The following SLC35F3 variants were observed in gnomAD, a reference collection of about 807,000 sequenced individuals.
SLC35F3 encodes the protein putative thiamine transporter SLC35F3.
Under a neutral mutation model 49.9 loss-of-function variants are expected in SLC35F3, and 25 were observed. The observed-to-expected ratio is 0.50, with a 90% CI of 0.37 to 0.70. SLC35F3 has a LOEUF of 0.70. SLC35F3 is among the 30% of genes least tolerant of loss of function. The pLI, the probability that SLC35F3 is intolerant of heterozygous loss-of-function variation, is 0.00. For missense variants in SLC35F3, 525 were observed against 639.8 expected, an observed-to-expected ratio of 0.82 and a Z score of 1.94; for synonymous variants, 275 against 265.4, an observed-to-expected ratio of 1.04 and a Z score of -0.35.
chr1:233,911,644 C>T (rs1186141954), intron 2 of SLC35F3, among the ~76,000 whole-genome samples: 2 of 152,226 alleles, frequency 1.3e-5, no homozygotes, highest in African/African-American at 4.8e-5. Context: ...TTAGAAATCC[C>T]TCGTGCCTAT....
intron 2 of SLC35F3, among the ~76,000 whole-genome samples, chr1:234,030,106 T>C (rs187546070): frequency 1.3e-5 from 2 of 152,332 alleles, no homozygotes. Flanking sequence ...TCTTCTGAAA[T>C]ATGATTCACT....
rs562597603 is a variant in SLC35F3, at chr1:234,144,946, T to G, written c.284-86471T>G. On this transcript the variant is annotated intron_variant, in intron 2 of 7. Coordinates refer to ENST00000366618, the MANE Select transcript of SLC35F3 (RefSeq NM_173508.4). ...TGTGCCAGCTGTAGGAAATAGCATG[T>G]GTAGTGCTGTGTCATTCTCTTGATA... Among the ~76,000 whole-genome samples, 4 of 152,302 alleles carry G rather than the reference T, an allele frequency of 2.6e-5. No individual in the cohort carries two copies. The East Asian group carries it at 5.8e-4, about 22-fold the overall frequency.
At chr1:233,963,467 A>AT (rs1035121201) in intron 2 of SLC35F3, among the ~76,000 whole-genome samples, 12 of 151,546 alleles carry the variant, frequency 7.9e-5, no homozygotes, top group African/African-American at 2.2e-4. Context: ...CGCCCAGCTA[A>AT]TTTTTTTGTA....
At chr1:234,306,723 C>A (rs994902384) in intron 3 of SLC35F3, among the ~76,000 whole-genome samples, 2 of 152,132 alleles carry the variant, frequency 1.3e-5, no homozygotes, top group Non-Finnish European at 2.9e-5. Flanking sequence ...TTTCCAGCAA[C>A]TTGGGCCATC....
At chr1:234,254,228 G>A (rs533396751) in intron 3 of SLC35F3, among the ~76,000 whole-genome samples, 1 of 152,072 alleles carries the variant, frequency 6.6e-6, no homozygotes, top group Non-Finnish European at 1.5e-5. Flanking sequence ...CTATGCACTG[G>A]CTTTCTATAT....
At chr1:234,240,603 T>TG (rs1667538513) in intron 3 of SLC35F3, among the ~76,000 whole-genome samples, 2 of 149,616 alleles carry the variant, frequency 1.3e-5, no homozygotes, top group South Asian at 4.2e-4. Context: ...AGACCCTCTC[T>TG]GAAAAAAAAA....
At chr1:234,004,357 C>T (rs1336182641) in intron 2 of SLC35F3, among the ~76,000 whole-genome samples, 2 of 152,048 alleles carry the variant, frequency 1.3e-5, no homozygotes, top group African/African-American at 4.8e-5. Context: ...AAATATTTCT[C>T]AGTTAAAAGG....
At chr1:234,181,338 G>GAAAAATAAAAAAAAAAAAA (rs1666553101) in intron 2 of SLC35F3, among the ~76,000 whole-genome samples, 1 of 97,310 alleles carries the variant, frequency 1.0e-5, no homozygotes, top group Non-Finnish European at 2.1e-5. Flanking sequence ...TCTGTCTCAA[G>GAAAAATAAAAAAAAAAAAA]AAAAAAAAAA....
At chr1:234,013,272 A>G (rs758794547) in intron 2 of SLC35F3, among the ~76,000 whole-genome samples, 8 of 152,204 alleles carry the variant, frequency 5.3e-5, no homozygotes, top group Non-Finnish European at 8.8e-5. Context: ...AAATTTTTAA[A>G]ATTTTTGAGA....
rs1177682937 is a variant in SLC35F3 at position 234,250,072 on chromosome 1, C to T, written c.608+18331C>T. Among the ~76,000 whole-genome samples the T allele has an allele frequency of 2.0e-5, 3 of 152,276 alleles. No homozygotes were observed. The East Asian group carries it at 5.8e-4, about 29-fold the overall frequency. The stretch of plus-strand genomic sequence containing the variant: ...TGGGAGAAGAAGGAAATTATAGGCC[C>T]TGTAGTAGACCTTCTTTTCCACTGA... On this transcript the variant is annotated intron_variant, in intron 3 of 7. Transcript: ENST00000366618.
intron 2 of SLC35F3, among the ~76,000 whole-genome samples, chr1:234,169,805 T>G (rs1258498372): frequency 6.6e-6 from 1 of 152,076 alleles, no homozygotes. Flanking sequence ...TCTCACTCTG[T>G]CTCCCAGGCT....
chr1:234,041,406 T>G (rs12137461), intron 2 of SLC35F3, among the ~76,000 whole-genome samples: 19,972 of 152,086 alleles, frequency 0.13, 1,627 homozygotes, highest in Non-Finnish European at 0.18. Context: ...AGACCTGAAA[T>G]TGATATACAT....
intron 2 of SLC35F3, among the ~76,000 whole-genome samples, chr1:234,055,992 A>G (rs114090527): frequency 0.018 from 2,719 of 152,274 alleles, 32 homozygotes; most frequent in Middle Eastern, 0.034. Context: ...CATATTGACA[A>G]TTATATTGTC....
intron 2 of SLC35F3, among the ~76,000 whole-genome samples, chr1:234,085,818 T>G (rs1352661258): frequency 3.3e-5 from 5 of 152,192 alleles, no homozygotes; most frequent in Non-Finnish European, 7.4e-5. Context: ...AATAAGCCCA[T>G]TGTGATTCGG....
intron 2 of SLC35F3, among the ~76,000 whole-genome samples, chr1:233,943,526 A>G (rs910780688): frequency 7.9e-5 from 12 of 152,244 alleles, no homozygotes; most frequent in African/African-American, 2.9e-4. Flanking sequence ...TTCCTGGTAT[A>G]AGAAATGGAT....
At chr1:234,040,097 G>T (rs996248747) in intron 2 of SLC35F3, among the ~76,000 whole-genome samples, 1 of 152,174 alleles carries the variant, frequency 6.6e-6, no homozygotes, top group East Asian at 1.9e-4. Flanking sequence ...GAATTTTACT[G>T]AGTGATGGAA....
At chr1:234,259,756 A>G (rs978664710) in intron 3 of SLC35F3, among the ~76,000 whole-genome samples, 1 of 151,856 alleles carries the variant, frequency 6.6e-6, no homozygotes, top group Non-Finnish European at 1.5e-5. Context: ...GGACAGGGTA[A>G]TTTCTCTAGT....
chr1:234,322,318 T>A (rs187681528), intron 7 of SLC35F3, among the ~76,000 whole-genome samples: 2 of 152,340 alleles, frequency 1.3e-5, no homozygotes, highest in Admixed American at 1.3e-4. Context: ...AATGGGGTAC[T>A]GTTGACCAGA....
intron 3 of SLC35F3, among the ~76,000 whole-genome samples, chr1:234,305,901 A>T (rs1187563345): frequency 6.6e-6 from 1 of 152,210 alleles, no homozygotes; most frequent in African/African-American, 2.4e-5. Context: ...GAAGGACTTG[A>T]GTGTTCTGGA....
Sources: allele counts gnomAD v4.1 joint callset (sites outside exome capture counted in the v4.1 genomes callset), GRCh38; gene constraint gnomAD v4.1.1; transcripts MANE v1.5; gene names NCBI Gene and HGNC (gene_info 2026-07-23, HGNC 2026-07-21).